The following ARHGAP5 variants were observed in gnomAD, a reference collection of about 807,000 sequenced individuals.
ARHGAP5 encodes the protein rho GTPase-activating protein 5.
In ARHGAP5, 23 loss-of-function variants were observed where a neutral mutation model predicts 116.6. The ratio of observed to expected loss-of-function variants is 0.20; its 90% confidence interval spans 0.14 to 0.28. The LOEUF (loss-of-function observed/expected upper bound fraction) is 0.28. Ranked by LOEUF, ARHGAP5 falls within the 10% of genes least tolerant of loss-of-function variation. ARHGAP5 has a pLI of 1.00. For synonymous variants in ARHGAP5, 574 were observed against 602.0 expected (o/e 0.95, Z 0.68); for missense variants, 1,405 against 1,774.8 (o/e 0.79, Z 3.74).
At chr14:32,101,401 T>C (rs1878783141) in intron 2 of ARHGAP5, among the ~76,000 whole-genome samples, 1 of 152,194 alleles carries the variant, frequency 6.6e-6, no homozygotes, top group African/African-American at 2.4e-5. Context: ...TAGTAAATCT[T>C]AGGTTTAGCA....
intron 1 of ARHGAP5, among the ~76,000 whole-genome samples, chr14:32,088,901 T>C (rs1045234368): frequency 3.3e-5 from 5 of 151,984 alleles, no homozygotes; most frequent in Admixed American, 2.0e-4. Context: ...AGGAACTGTC[T>C]TAAGAGGTGT....
intron 3 of ARHGAP5, among the ~76,000 whole-genome samples, chr14:32,123,206 A>G (rs1879977089): frequency 6.6e-6 from 1 of 152,042 alleles, no homozygotes; most frequent in Non-Finnish European, 1.5e-5. Flanking sequence ...TTTAAAAACG[A>G]CATCTGCTTG....
At chr14:32,107,417 C>T (rs530717207) in intron 2 of ARHGAP5, among the ~76,000 whole-genome samples, 7 of 151,710 alleles carry the variant, frequency 4.6e-5, no homozygotes, top group East Asian at 3.9e-4. Flanking sequence ...AATAGTACTT[C>T]GTATATTAAC....
chr14:32,087,844 CAAATT>C (rs1275725947), intron 1 of ARHGAP5, among the ~76,000 whole-genome samples: 1 of 151,950 alleles, frequency 6.6e-6, no homozygotes, highest in Non-Finnish European at 1.5e-5. Flanking sequence ...TTGCCACTGT[CAAATT>C]AATTAGGATG....
At chr14:32,103,699 G>GT (rs141101133) in intron 2 of ARHGAP5, among the ~76,000 whole-genome samples, 3,162 of 152,144 alleles carry the variant, frequency 0.021, 124 homozygotes, top group African/African-American at 0.072. Context: ...CCTAGGAGAG[G>GT]TTTTTTACAG....
Position 32,149,787 on chromosome 14 carries a change from AAAAG to A in ARHGAP5, c.3944-111_3944-108del, listed in dbSNP as rs1881557935. On this transcript the variant is annotated intron_variant, in intron 4 of 6. Coordinates refer to ENST00000345122, the MANE Select transcript of ARHGAP5 (RefSeq NM_001030055.2). ...AAACTCAGTCTCAAAAAAAAAAAGA[AAAAG>A]AAAAGTGGCCCAAGACTTAAAGTTA... 16 of 582,284 alleles carry A rather than the reference AAAAG, an allele frequency of 2.7e-5. 1 individual carries two copies. In the South Asian group the frequency reaches 7.9e-4, roughly 29 times the overall value. The allele number at this position is 582,284 out of a possible 1,614,324, so 36.1% of individuals were successfully genotyped here.
chr14:32,087,490 C>CTT lies in ARHGAP5; in HGVS notation c.-168-3001_-168-3000dup, dbSNP rs756495863. On this transcript the variant is annotated intron_variant, in intron 1 of 6. Coordinates refer to ENST00000345122, the MANE Select transcript of ARHGAP5 (RefSeq NM_001030055.2). ...CTATTCCCCCGCCCGCCCTCCCCCG[C>CTT]TTTTTTTTTTTTCAAACCAAAGCCT... Among the ~76,000 whole-genome samples the CTT allele has an allele frequency of 2.2e-3, 274 of 126,138 alleles. 5 individuals carry two copies. Among genetic ancestry groups the CTT allele is most frequent in the African/African-American group, 7.7e-3 (259 of 33,458 alleles). 82.8% of individuals were successfully genotyped at this position (126,138 alleles called of 152,430 possible). A position where few individuals can be genotyped will look rare whatever the true frequency, so the allele number is the denominator to read the frequency against.
At position 32,093,279 on chromosome 14, in the gene ARHGAP5, A is replaced by G. The variant is rs200739729; in HGVS notation, c.2610A>G (p.Leu870=). The G allele has an allele frequency of 3.1e-5, 50 of 1,613,690 alleles. No individual in the cohort carries two copies. The East Asian group carries it at 6.7e-4, about 22-fold the overall frequency. Residue 870 remains leucine, a synonymous_variant, in exon 2 of 7, where the codon CTA becomes CTG. Transcript: ENST00000345122. ...KASMGMLRAF[L]SEVQDTIPVQ... is the part of the protein sequence containing the mutation. ...CGATGGGAATGCTTCGAGCATTTCTATCAGAAGTTCAAGACACCATTCCTG... is the reference window on the plus strand; with the variant it reads ...CGATGGGAATGCTTCGAGCATTTCTGTCAGAAGTTCAAGACACCATTCCTG...
chr14:32,105,811 ACT>A, intron 2 of ARHGAP5, among the ~76,000 whole-genome samples: 1 of 151,994 alleles, frequency 6.6e-6, no homozygotes, highest in Middle Eastern at 3.4e-3. Context: ...GATAGCCACT[ACT>A]CTGTTTTTCA....
In ARHGAP5 at chr14:32,093,214, C is replaced by T. The variant is rs747803256; in HGVS notation, c.2545C>T (p.His849Tyr). ...SIGVRKDELVHGYILVYSAKR... is the reference protein window; with the variant it reads ...SIGVRKDELVYGYILVYSAKR... Reference sequence around the variant, plus strand: ...TGGAGTAAGAAAAGATGAACTAGTTCATGGGTATATATTAGTTTACTCTGC... The same window carrying T: ...TGGAGTAAGAAAAGATGAACTAGTTTATGGGTATATATTAGTTTACTCTGC... Residue 849 changes from histidine to tyrosine, a missense_variant, in exon 2 of 7, where the codon CAT becomes TAT. His to Tyr is a moderately conservative substitution (Grantham distance 83). Transcript: ENST00000345122. The T allele has an allele frequency of 2.5e-6, 4 of 1,613,890 alleles. No homozygotes were observed. In the Admixed American group the frequency reaches 6.7e-5, roughly 27 times the overall value.
chr14:32,080,280 A>G (rs2041758779), intron 1 of ARHGAP5, among the ~76,000 whole-genome samples: 1 of 151,038 alleles, frequency 6.6e-6, no homozygotes, highest in Non-Finnish European at 1.5e-5. Flanking sequence ...TATTAAGTGT[A>G]TTGTATTTAA....
At chr14:32,119,578 AT>A (rs138746715) in intron 3 of ARHGAP5, among the ~76,000 whole-genome samples, 9,200 of 152,144 alleles carry the variant, frequency 0.06, 887 homozygotes, top group African/African-American at 0.21. Context: ...AGTTATTTTC[AT>A]TCACCGCTAA....
At chr14:32,114,094 G>A (rs1028707149) in intron 2 of ARHGAP5, among the ~76,000 whole-genome samples, 4 of 152,178 alleles carry the variant, frequency 2.6e-5, no homozygotes, top group African/African-American at 9.6e-5. Context: ...TGGGCGTGAT[G>A]GCACACGCCT....
At chr14:32,112,828 G>A (rs1879378440) in intron 2 of ARHGAP5, among the ~76,000 whole-genome samples, 1 of 151,598 alleles carries the variant, frequency 6.6e-6, no homozygotes, top group African/African-American at 2.4e-5. Context: ...CAGAGATGGC[G>A]CCACTGCACT....
chr14:32,096,815 T>A (rs1878546982), intron 2 of ARHGAP5, among the ~76,000 whole-genome samples: 1 of 152,234 alleles, frequency 6.6e-6, no homozygotes. Context: ...CATCTATCTT[T>A]AATTCTAAAA....
intron 1 of ARHGAP5, among the ~76,000 whole-genome samples, chr14:32,087,178 T>A (rs776468050): frequency 1.3e-4 from 19 of 148,788 alleles, no homozygotes; most frequent in Non-Finnish European, 2.4e-4. Context: ...AGTGGGAGCA[T>A]GAAAAAAAAC....
intron 6 of ARHGAP5, 90 bp downstream of exon 6, chr14:32,152,618 A>T (rs1881694877): frequency 1.5e-6 from 1 of 668,152 alleles, no homozygotes; most frequent in Non-Finnish European, 2.5e-6. Context: ...ATTATCAGAT[A>T]GAAAAGGGGA....
chr14:32,136,297 C>T (rs141009543), intron 3 of ARHGAP5, among the ~76,000 whole-genome samples: 73 of 152,328 alleles, frequency 4.8e-4, no homozygotes, highest in African/African-American at 1.6e-3. Flanking sequence ...TCACTCCTCT[C>T]ACAGCCCTTG....
chr14:32,111,580 G>A (rs577939335), intron 2 of ARHGAP5, among the ~76,000 whole-genome samples: 1 of 152,098 alleles, frequency 6.6e-6, no homozygotes, highest in East Asian at 1.9e-4. Context: ...TAGATTATTT[G>A]TATATAGTTT....
Sources: allele counts gnomAD v4.1 joint callset (sites outside exome capture counted in the v4.1 genomes callset), GRCh38; gene constraint gnomAD v4.1.1; transcripts MANE v1.5; gene names NCBI Gene and HGNC (gene_info 2026-07-23, HGNC 2026-07-21).